Variants in EVC2 observed in about 807,000 individuals in gnomAD.
EVC2 encodes the protein EvC ciliary complex subunit 2.
A neutral mutation model predicts 149.3 loss-of-function variants in EVC2; 148 were observed. The observed-to-expected ratio is 0.99, with a 90% CI of 0.87 to 1.14. The LOEUF (loss-of-function observed/expected upper bound fraction) is 1.14. EVC2 is among the 50% of genes most tolerant of loss of function. The pLI is 0.00. For missense variants in EVC2, 1,854 were observed against 1,627.3 expected (o/e 1.14, Z -2.40); for synonymous variants, 776 against 649.9 (o/e 1.19, Z -2.95).
chr4:5,562,958 A>C lies in EVC2; in HGVS notation c.3817T>G (p.Phe1273Val). 2 of 1,614,134 alleles carry C rather than the reference A, an allele frequency of 1.2e-6. No homozygotes were observed. The highest frequency in any genetic ancestry group is 1.7e-6 in the Non-Finnish European group (2 of 1,180,020). Residue 1273 changes from phenylalanine (F) to valine (V), a missense_variant, in exon 22 of 22, where the codon TTT becomes GTT. Transcript: ENST00000344408. The surrounding 1 kb of genome is among the most constrained non-coding windows in gnomAD (Gnocchi z 4.3). ...GGCTCCTTTGGATTTCTGAATATAAAGAGCTTCTCTCCTGTGTTTAATAGA... is the reference window on the plus strand; with the variant it reads ...GGCTCCTTTGGATTTCTGAATATAACGAGCTTCTCTCCTGTGTTTAATAGA... ...IDLLNTGEKLFIFRNPKEPEI... is the reference protein window; with the variant it reads ...IDLLNTGEKLVIFRNPKEPEI...
At chr4:5,535,988 T>C in the EVC2 span, among the ~76,000 whole-genome samples, 1 of 152,038 alleles carries the variant, frequency 6.6e-6, no homozygotes, top group African/African-American at 2.4e-5. The surrounding 1 kb of genome is among the most constrained non-coding windows in gnomAD (Gnocchi z 4.7). Flanking sequence ...TCCTTTCCCT[T>C]GCCATACTTC....
chr4:5,625,675 G>C lies in EVC2; in HGVS notation c.2046+74C>G. 9 of 1,591,508 alleles carry C rather than the reference G, an allele frequency of 5.7e-6. No homozygotes were observed. The highest frequency in any genetic ancestry group is 7.7e-6 in the Non-Finnish European group (9 of 1,163,444). ...TCCTAGTTCACCAATGGCAATGTCT[G>C]GCACAGTACCTGGCACTTGATGGGT... On this transcript the variant is annotated intron_variant, in intron 13 of 21. Transcript: ENST00000344408. The surrounding 1 kb of genome is among the most constrained non-coding windows in gnomAD (Gnocchi z 4.0).
In EVC2 at chr4:5,551,747, G is replaced by A. The variant is rs566822473; in HGVS notation, c.3420-8535C>T. Among the ~76,000 whole-genome samples, 10 of 152,294 alleles carry A rather than the reference G, an allele frequency of 6.6e-5. No homozygotes were observed. In the South Asian group the frequency reaches 1.2e-3, roughly 19 times the overall value. ...CCCAAATTTTATCTTGAATTCCCAC[G>A]TGTTGTGGGAGGGACACGGTGGGAG... On this transcript the variant is annotated intron_variant and NMD_transcript_variant, in intron 21 of 22. Transcript: ENST00000475313.
In EVC2 at chr4:5,633,150, G is replaced by C. The variant is rs1443255401; in HGVS notation, c.1471-1118C>G. Among the ~76,000 whole-genome samples the C allele has an allele frequency of 6.6e-6, 1 of 152,220 alleles. No homozygotes were observed. Among genetic ancestry groups the C allele is most frequent in the Non-Finnish European group, 1.5e-5 (1 of 68,040 alleles). On this transcript the variant is annotated intron_variant, in intron 10 of 21. Coordinates refer to ENST00000344408, the MANE Select transcript of EVC2 (RefSeq NM_147127.5). The surrounding 1 kb of genome is among the most constrained non-coding windows in gnomAD (Gnocchi z 4.4). Reference sequence around the variant, plus strand: ...CTTTGAAGAACCAAACAGCCAGGCTGTAAACTGTCTCCGCAGAAGGGAAAC... The same window carrying C: ...CTTTGAAGAACCAAACAGCCAGGCTCTAAACTGTCTCCGCAGAAGGGAAAC...
At chr4:5,530,481 C>T in the EVC2 span, among the ~76,000 whole-genome samples, 2 of 122,386 alleles carry the variant, frequency 1.6e-5, no homozygotes, top group African/African-American at 5.7e-5. Flanking sequence ...ATGACAACTA[C>T]AGTCAAACAA....
intron 16 of EVC2, among the ~76,000 whole-genome samples, chr4:5,608,834 G>A (rs562687662): frequency 1.3e-5 from 2 of 152,230 alleles, no homozygotes; most frequent in Non-Finnish European, 2.9e-5. Context: ...TGCCAGCCTG[G>A]AAGAGATGAG....
intron 1 of EVC2, among the ~76,000 whole-genome samples, chr4:5,699,067 C>T (rs1257733133): frequency 6.6e-6 from 1 of 152,194 alleles, no homozygotes; most frequent in African/African-American, 2.4e-5. Flanking sequence ...GGTGATGTAA[C>T]CCCAGCTGGG....
rs1268289899 is a variant in EVC2, at chr4:5,618,772, C to A, written c.2502-90G>T. The A allele has an allele frequency of 8.1e-7, 1 of 1,239,240 alleles. No individual in the cohort carries two copies. Among genetic ancestry groups the A allele is most frequent in the Non-Finnish European group, 1.2e-6 (1 of 864,556 alleles). The allele number at this position is 1,239,240 out of a possible 1,614,324, so 76.8% of individuals were successfully genotyped here. On this transcript the variant is annotated intron_variant, in intron 14 of 21. Coordinates refer to ENST00000344408, the MANE Select transcript of EVC2 (RefSeq NM_147127.5). This position sits in a 1 kb window ranked among gnomAD's most constrained non-coding sequence, Gnocchi z 4.4. ...GAAGCCAGAGATGCAAAGCTCATTC[C>A]TCATATCCATGTCTGCAGAAAAAGC...
intron 3 of EVC2, 111 bp downstream of exon 3, chr4:5,694,224 G>C: frequency 1.0e-5 from 11 of 1,100,268 alleles, no homozygotes; most frequent in Non-Finnish European, 1.5e-5. Flanking sequence ...TGAAAGAGGA[G>C]GAATAGGGTT....
chr4:5,661,994 T>C (rs1229557798), intron 9 of EVC2, among the ~76,000 whole-genome samples: 4 of 152,186 alleles, frequency 2.6e-5, no homozygotes, highest in African/African-American at 9.7e-5. Flanking sequence ...GAGGATGATG[T>C]TAATATTCAT....
chr4:5,704,595 A>G (rs1722021784), intron 1 of EVC2, among the ~76,000 whole-genome samples: 1 of 152,146 alleles, frequency 6.6e-6, no homozygotes, highest in South Asian at 2.1e-4. Flanking sequence ...CAGAAGGAAG[A>G]AGAGAACCCA....
chr4:5,537,244 T>C, the EVC2 span, among the ~76,000 whole-genome samples: 1 of 152,048 alleles, frequency 6.6e-6, no homozygotes, highest in African/African-American at 2.4e-5. Flanking sequence ...GGGCAGAGTT[T>C]TGGAGAGAGG....
upstream of EVC2, chr4:5,708,875 T>G: frequency 5.0e-6 from 1 of 199,072 alleles, no homozygotes; most frequent in Non-Finnish European, 1.0e-5. Context: ...TGGGAACGGT[T>G]TCCTGACACA....
intron 16 of EVC2, among the ~76,000 whole-genome samples, chr4:5,586,871 T>C (rs1712329845): frequency 6.6e-6 from 1 of 151,206 alleles, no homozygotes; most frequent in Admixed American, 6.6e-5. Context: ...CTTGGGCACA[T>C]GTCATCAAGA....
intron 21 of EVC2, among the ~76,000 whole-genome samples, chr4:5,555,489 A>G (rs1223870000): frequency 6.6e-6 from 1 of 152,214 alleles, no homozygotes; most frequent in Non-Finnish European, 1.5e-5. Context: ...ACTAACTAAA[A>G]GAGAGCTGGG....
chr4:5,573,810 G>A (rs923830655), intron 19 of EVC2, among the ~76,000 whole-genome samples: 1 of 152,168 alleles, frequency 6.6e-6, no homozygotes, highest in African/African-American at 2.4e-5. Context: ...TCCCTTCTTA[G>A]AGGCTGGGGG....
At chr4:5,631,482 T>C (rs1716525170) in intron 11 of EVC2, among the ~76,000 whole-genome samples, 1 of 151,968 alleles carries the variant, frequency 6.6e-6, no homozygotes, top group Non-Finnish European at 1.5e-5. Flanking sequence ...CTCGTGGGTG[T>C]GGGCATTCTA....
intron 16 of EVC2, among the ~76,000 whole-genome samples, chr4:5,589,745 T>C (rs1712618586): frequency 6.6e-6 from 1 of 152,172 alleles, no homozygotes; most frequent in African/African-American, 2.4e-5. Flanking sequence ...GTTTGTTTTG[T>C]TTTAGGTAAG....
At chr4:5,531,982 A>T in the EVC2 span, among the ~76,000 whole-genome samples, 2 of 152,066 alleles carry the variant, frequency 1.3e-5, no homozygotes, top group African/African-American at 4.8e-5. Context: ...ATGCTATATA[A>T]GTACTTGTTA....
Sources: allele counts gnomAD v4.1 joint callset (sites outside exome capture counted in the v4.1 genomes callset), GRCh38; gene constraint gnomAD v4.1.1; non-coding constraint Gnocchi (gnomAD v3.1); transcripts MANE v1.5; gene names NCBI Gene and HGNC (gene_info 2026-07-23, HGNC 2026-07-21).